NF1: variants seen among roughly 807,000 people sequenced by gnomAD.
The protein encoded by NF1 is neurofibromin.
NF1 carries 122 observed loss-of-function variants against 325.7 expected under a neutral mutation model. That is an observed-to-expected ratio of 0.37 (90% CI 0.32 to 0.44). The LOEUF (loss-of-function observed/expected upper bound fraction) is 0.44, where lower values mean the gene tolerates loss of function less well. NF1 is among the 20% of genes least tolerant of loss of function. The pLI, the probability that NF1 is intolerant of heterozygous loss-of-function variation, is 1.00. For missense variants in NF1, 2,140 were observed against 3,415.4 expected, an observed-to-expected ratio of 0.63 and a Z score of 9.31; for synonymous variants, 1,091 against 1,186.0, an observed-to-expected ratio of 0.92 and a Z score of 1.65.
At chr17:31,224,543 T>C (rs541307327) in intron 16 of NF1, among the ~76,000 whole-genome samples, 2 of 152,294 alleles carry the variant, frequency 1.3e-5, no homozygotes, top group Admixed American at 6.5e-5. Context: ...AGAAAGAGAT[T>C]AGACTTCAGA....
chr17:31,230,091 A>G (rs2067087261), intron 22 of NF1, 117 bp downstream of exon 22: 1 of 1,414,790 alleles, frequency 7.1e-7, no homozygotes, highest in Non-Finnish European at 9.9e-7. Flanking sequence ...CACACAAACT[A>G]GGGTGTGACA....
chr17:31,244,316 G>A (rs1037046376), intron 29 of NF1, among the ~76,000 whole-genome samples: 2 of 152,146 alleles, frequency 1.3e-5, no homozygotes, highest in Non-Finnish European at 2.9e-5. Flanking sequence ...TCCCTTGGTT[G>A]CCCTGGCTGT....
chr17:31,268,641 A>C (rs1406055587), intron 36 of NF1, among the ~76,000 whole-genome samples: 1 of 150,770 alleles, frequency 6.6e-6, no homozygotes, highest in Non-Finnish European at 1.5e-5. Context: ...AAAAAAAAAA[A>C]AGTGACCACT....
chr17:31,112,521 A>G (rs1228239728), intron 1 of NF1, among the ~76,000 whole-genome samples: 2 of 151,990 alleles, frequency 1.3e-5, no homozygotes, highest in East Asian at 1.9e-4. Flanking sequence ...TTTGATTTGC[A>G]TTTCCCTAAT....
At chr17:31,160,150 C>A (rs1046784649) in intron 3 of NF1, among the ~76,000 whole-genome samples, 1 of 152,158 alleles carries the variant, frequency 6.6e-6, no homozygotes, top group Non-Finnish European at 1.5e-5. Context: ...CAGTGGCACC[C>A]TCTCGGCTCA....
chr17:31,298,522 A>G (rs772907829), intron 36 of NF1, among the ~76,000 whole-genome samples: 3 of 152,056 alleles, frequency 2.0e-5, no homozygotes, highest in Non-Finnish European at 4.4e-5. Flanking sequence ...TTTGAAGTTT[A>G]TTTTCTTACA....
chr17:31,327,398 C>T, intron 37 of NF1, 101 bp from the exon 38 acceptor site: 1 of 791,114 alleles, frequency 1.3e-6, no homozygotes, highest in Non-Finnish European at 2.1e-6. Flanking sequence ...CCTTAAATGG[C>T]ATAGTGTTTT....
chr17:31,366,556 G>A (rs576336857), intron 57 of NF1, among the ~76,000 whole-genome samples: 31 of 152,226 alleles, frequency 2.0e-4, no homozygotes, highest in African/African-American at 7.0e-4. Flanking sequence ...CTTAGACTTG[G>A]CTCTGAGTCA....
chr17:31,192,694 T>C (rs1402509898), intron 8 of NF1, among the ~76,000 whole-genome samples: 3 of 152,178 alleles, frequency 2.0e-5, no homozygotes, highest in African/African-American at 4.8e-5. Flanking sequence ...GGATGTTTTT[T>C]CCCCACAGGA....
In NF1 at chr17:31,340,615, T is replaced by C. The variant is rs1201730858; in HGVS notation, c.7032T>C (p.Thr2344=). 1.2e-6 allele frequency: 2 copies of C among 1,614,124 alleles called. No individual in the cohort carries two copies. Among genetic ancestry groups the C allele is most frequent in the Admixed American group, 3.3e-5 (2 of 60,018 alleles). Residue 2344 remains threonine, a synonymous_variant, in exon 47 of 58, where the codon ACT becomes ACC. Transcript: ENST00000358273. ...CACTTCTTGAACAAAACCTGCATACTTTAGATAGTCTCCGTATATTCAATG... is the reference window on the plus strand; with the variant it reads ...CACTTCTTGAACAAAACCTGCATACCTTAGATAGTCTCCGTATATTCAATG... ...GTALLEQNLH[T]LDSLRIFNDK...
chr17:31,175,947 A>G (rs1185999140), intron 5 of NF1, among the ~76,000 whole-genome samples: 3 of 152,192 alleles, frequency 2.0e-5, no homozygotes, highest in African/African-American at 7.2e-5. Flanking sequence ...ATTGGTTCCA[A>G]GTCTTTGCTG....
intron 3 of NF1, among the ~76,000 whole-genome samples, chr17:31,162,714 A>G (rs569113016): frequency 6.6e-6 from 1 of 152,366 alleles, no homozygotes; most frequent in South Asian, 2.1e-4. Flanking sequence ...CAACCAAAAT[A>G]AAATTACTTT....
chr17:31,141,727 G>C (rs1289750740), intron 1 of NF1, among the ~76,000 whole-genome samples: 2 of 152,128 alleles, frequency 1.3e-5, no homozygotes, highest in African/African-American at 4.8e-5. Context: ...TCTGGAGCAC[G>C]GTCTCTTGAG....
At chr17:31,117,844 A>G (rs1472866768) in intron 1 of NF1, among the ~76,000 whole-genome samples, 1 of 152,164 alleles carries the variant, frequency 6.6e-6, no homozygotes, top group East Asian at 1.9e-4. Context: ...CTTGTTTACC[A>G]TTCCTATTCC....
At chr17:31,273,857 T>C (rs2067951312) in intron 36 of NF1, among the ~76,000 whole-genome samples, 1 of 152,222 alleles carries the variant, frequency 6.6e-6, no homozygotes. Context: ...GTTATTCCTC[T>C]TACCATGTAT....
Position 31,270,330 on chromosome 17 carries a change from C to T in NF1, c.4835+4991C>T, listed in dbSNP as rs199580248. On this transcript the variant is annotated intron_variant, in intron 36 of 57. Coordinates refer to ENST00000358273, the MANE Select transcript of NF1 (RefSeq NM_001042492.3). ...TAAAAATATAAAACCCCAAAGTGGC[C>T]GGGCAAGGTGGCTCACACCTGTAAT... Among the ~76,000 whole-genome samples the T allele has an allele frequency of 2.0e-4, 30 of 152,216 alleles. No homozygotes were observed. The East Asian group carries it at 2.1e-3, about 11-fold the overall frequency.
At chr17:31,215,892 A>T (rs1348351978) in intron 13 of NF1, among the ~76,000 whole-genome samples, 1 of 152,154 alleles carries the variant, frequency 6.6e-6, no homozygotes, top group Admixed American at 6.6e-5. Flanking sequence ...AAACTTCGTG[A>T]ATTTTTTAAA....
chr17:31,344,020 A>G (rs1322525316), intron 48 of NF1, among the ~76,000 whole-genome samples: 2 of 152,054 alleles, frequency 1.3e-5, no homozygotes, highest in Non-Finnish European at 2.9e-5. Flanking sequence ...GATAATAGCT[A>G]TATTAATAGT....
At chr17:31,347,740 C>T (rs1488312558) in intron 48 of NF1, among the ~76,000 whole-genome samples, 23 of 146,234 alleles carry the variant, frequency 1.6e-4, no homozygotes, top group Middle Eastern at 3.4e-3. Context: ...ACATTACTTA[C>T]TTTCTGAAGA....
Sources: gnomAD v4.1 joint callset for allele counts (sites outside exome capture counted in the v4.1 genomes callset) on GRCh38, gnomAD v4.1.1 for gene constraint, MANE v1.5 for transcripts, NCBI Gene and HGNC (gene_info 2026-07-23, HGNC 2026-07-21) for gene names.